Variants in NCK1 observed in about 807,000 individuals in gnomAD.
The protein encoded by NCK1 is NCK adaptor protein 1.
NCK1 carries 19 observed loss-of-function variants against 36.6 expected under a neutral mutation model. The ratio of observed to expected loss-of-function variants is 0.52; its 90% confidence interval spans 0.36 to 0.76. NCK1 has a LOEUF of 0.76. Ranked by LOEUF, NCK1 falls within the 30% of genes least tolerant of loss-of-function variation. The probability of loss-of-function intolerance (pLI) is 0.00; values close to 1 mark genes in which losing one functional copy is unlikely to be tolerated. For synonymous variants in NCK1, 165 were observed against 156.0 expected (o/e 1.06, Z -0.43); for missense variants, 358 against 445.6 (o/e 0.80, Z 1.77).
chr3:136,899,175 G>T, intron 1 of NCK1: 1 of 212,968 alleles, frequency 4.7e-6, no homozygotes. Flanking sequence ...CCAGTGCGCT[G>T]CTGCTATTGC....
intron 1 of NCK1, among the ~76,000 whole-genome samples, chr3:136,923,922 A>T (rs1009804573): frequency 1.3e-5 from 2 of 152,240 alleles, no homozygotes; most frequent in African/African-American, 4.8e-5. Flanking sequence ...AGAAGTATAT[A>T]TTCTACCTTT....
At chr3:136,875,539 A>T (rs2108072324) in intron 1 of NCK1, among the ~76,000 whole-genome samples, 1 of 152,330 alleles carries the variant, frequency 6.6e-6, no homozygotes, top group South Asian at 2.1e-4. Flanking sequence ...ACCAACAAAG[A>T]TCAAAAGAGA....
In NCK1 at chr3:136,927,964, T is replaced by C; in HGVS notation, c.-18-20T>C. 3 of 1,500,458 alleles carry C rather than the reference T, an allele frequency of 2.0e-6. No homozygotes were observed. Among genetic ancestry groups the C allele is most frequent in the Non-Finnish European group, 2.8e-6 (3 of 1,083,406 alleles). The allele number at this position is 1,500,458 out of a possible 1,614,324, so 92.9% of individuals were successfully genotyped here. On this transcript the variant is annotated intron_variant, in intron 1 of 3. Coordinates refer to ENST00000481752, the MANE Select transcript of NCK1 (RefSeq NM_001291999.2). ...ATACTACCTCAACCTTACATAAAAA[T>C]ATTTTCCATGTGTTTACAGTGCTGA...
At chr3:136,895,390 T>A (rs1218665045) in intron 1 of NCK1, among the ~76,000 whole-genome samples, 2 of 151,664 alleles carry the variant, frequency 1.3e-5, no homozygotes, top group African/African-American at 2.4e-5. Context: ...ACATTAAAAT[T>A]GCCATACCAC....
chr3:136,904,183 C>T (rs994487129), intron 1 of NCK1, among the ~76,000 whole-genome samples: 11 of 151,952 alleles, frequency 7.2e-5, no homozygotes, highest in Non-Finnish European at 1.5e-4. Flanking sequence ...TAGACAGTCT[C>T]GCTCTGCCAC....
At chr3:136,871,536 T>A (rs1266459628) in intron 1 of NCK1, among the ~76,000 whole-genome samples, 1 of 152,246 alleles carries the variant, frequency 6.6e-6, no homozygotes, top group Non-Finnish European at 1.5e-5. Flanking sequence ...TGGAACATTT[T>A]TAGTGTTCGA....
At chr3:136,892,909 C>T (rs1435175404) in intron 1 of NCK1, among the ~76,000 whole-genome samples, 1 of 151,970 alleles carries the variant, frequency 6.6e-6, no homozygotes, top group African/African-American at 2.4e-5. Context: ...GTACAACCAT[C>T]ACCCAACAGC....
chr3:136,941,741 T>C (rs994881870), intron 2 of NCK1, among the ~76,000 whole-genome samples: 1 of 152,230 alleles, frequency 6.6e-6, no homozygotes, highest in Non-Finnish European at 1.5e-5. Context: ...CTACTGACTT[T>C]TATATTTACT....
At chr3:136,919,750 T>C (rs750776032) in intron 1 of NCK1, among the ~76,000 whole-genome samples, 6 of 152,170 alleles carry the variant, frequency 3.9e-5, no homozygotes, top group Non-Finnish European at 8.8e-5. Flanking sequence ...AGGGTACTGT[T>C]GGCTGTGTAT....
rs895005890 is a variant in NCK1, at chr3:136,950,435, G to A, written c.*1982G>A. On this transcript the variant is annotated 3_prime_UTR_variant, in exon 4 of 4. Coordinates refer to ENST00000481752, the MANE Select transcript of NCK1 (RefSeq NM_001291999.2). The stretch of plus-strand genomic sequence containing the variant: ...CATAATTAGGTTTATTGTAGCTATA[G>A]CGCTCCCAGATAACCCATGTGTGCT... 1.3e-5 allele frequency among the ~76,000 whole-genome samples: 2 copies of A among 152,084 alleles called. No homozygotes were observed. The highest frequency in any genetic ancestry group is 4.8e-5 in the African/African-American group (2 of 41,430).
At position 136,921,582 on chromosome 3, in the gene NCK1, T is replaced by TGGGG. The variant is rs1051130925; in HGVS notation, c.-18-6400_-18-6399insGGGG. Among the ~76,000 whole-genome samples, 18 of 152,236 alleles carry TGGGG rather than the reference T, an allele frequency of 1.2e-4. 1 individual carries two copies. Among genetic ancestry groups the TGGGG allele is most frequent in the Non-Finnish European group, 4.4e-5 (3 of 68,034 alleles). On this transcript the variant is annotated intron_variant, in intron 1 of 3. Coordinates refer to ENST00000481752, the MANE Select transcript of NCK1 (RefSeq NM_001291999.2). Reference sequence around the variant, plus strand: ...ATTTGGGAGAGCCCAGTACTTGTGTTGGTCCATAACTAGAATTATAGATGT... The same window carrying TGGGG: ...ATTTGGGAGAGCCCAGTACTTGTGTTGGGGGGTCCATAACTAGAATTATAGATGT...
intron 1 of NCK1, among the ~76,000 whole-genome samples, chr3:136,902,584 T>G (rs896452617): frequency 1.3e-5 from 2 of 152,196 alleles, no homozygotes; most frequent in South Asian, 4.1e-4. Context: ...GACACTTGTT[T>G]TGTGTCCTAA....
At position 136,874,060 on chromosome 3, in the gene NCK1, ATAGTAGTATTCCATTGG is replaced by A. The variant is rs534743366; in HGVS notation, c.-19+11708_-19+11724del. ...GTGCAGCAGTAGTTCCTTTTCAGTG[ATAGTAGTATTCCATTGG>A]ATGAATATAATGTAATTTTAAAAAA... On this transcript the variant is annotated intron_variant, in intron 1 of 3. Coordinates refer to ENST00000481752, the MANE Select transcript of NCK1 (RefSeq NM_001291999.2). 1.0e-3 allele frequency among the ~76,000 whole-genome samples: 152 copies of A among 152,342 alleles called. 3 individuals are homozygous for A. The East Asian group carries it at 0.028, about 28-fold the overall frequency.
At chr3:136,862,830 G>A (rs1268337007) in intron 1 of NCK1, among the ~76,000 whole-genome samples, 1 of 152,228 alleles carries the variant, frequency 6.6e-6, no homozygotes, top group Non-Finnish European at 1.5e-5. Context: ...CGGTGCTGCG[G>A]GTGGACATCT....
chr3:136,889,399 C>G (rs532317878), intron 1 of NCK1: 1 of 153,882 alleles, frequency 6.5e-6, no homozygotes, highest in Non-Finnish European at 1.4e-5. Flanking sequence ...ATCGTGATCT[C>G]GCTGGTTTCA....
At chr3:136,893,182 AT>A (rs1939297169) in intron 1 of NCK1, among the ~76,000 whole-genome samples, 1 of 22,686 alleles carries the variant, frequency 4.4e-5, no homozygotes, top group Non-Finnish European at 8.8e-5. Context: ...GTGTGTGTAT[AT>A]ATATATATAC....
At chr3:136,909,522 G>A (rs964439440) in intron 1 of NCK1, among the ~76,000 whole-genome samples, 3 of 152,148 alleles carry the variant, frequency 2.0e-5, no homozygotes, top group East Asian at 1.9e-4. Flanking sequence ...GCAGAATGTC[G>A]AGTGCTGTAA....
chr3:136,906,016 T>TA (rs1390357862), intron 1 of NCK1, among the ~76,000 whole-genome samples: 3 of 152,222 alleles, frequency 2.0e-5, no homozygotes, highest in Non-Finnish European at 4.4e-5. Context: ...CCTGTGTCCT[T>TA]ACACTGGTAT....
chr3:136,894,550 T>G (rs1484116291), intron 1 of NCK1, among the ~76,000 whole-genome samples: 1 of 152,200 alleles, frequency 6.6e-6, no homozygotes, highest in African/African-American at 2.4e-5. Context: ...ATGTTGTATC[T>G]TCTTCACCAT....
Sources: allele counts gnomAD v4.1 joint callset (sites outside exome capture counted in the v4.1 genomes callset), GRCh38; gene constraint gnomAD v4.1.1; transcripts MANE v1.5; gene names NCBI Gene and HGNC (gene_info 2026-07-23, HGNC 2026-07-21).